The following SNTG1 variants were observed in gnomAD, a reference collection of about 807,000 sequenced individuals.
The protein encoded by SNTG1 is syntrophin gamma 1.
In SNTG1, 39 loss-of-function variants were observed where a neutral mutation model predicts 74.7. The ratio of observed to expected loss-of-function variants is 0.52; its 90% CI spans 0.40 to 0.68. The LOEUF (loss-of-function observed/expected upper bound fraction) is 0.68. Among genes scored for constraint, SNTG1 ranks in the 30% least tolerant of loss-of-function variants. SNTG1 has a pLI of 0.00. For missense variants in SNTG1, 685 were observed against 609.5 expected (o/e 1.12, Z -1.30); for synonymous variants, 254 against 217.1 (o/e 1.17, Z -1.49).
intron 15 of SNTG1, among the ~76,000 whole-genome samples, chr8:50,690,937 T>C (rs2095375592): frequency 6.6e-6 from 1 of 152,208 alleles, no homozygotes; most frequent in Non-Finnish European, 1.5e-5. Context: ...TGCTCCTGTA[T>C]TGGGTGCATA....
intron 2 of SNTG1, among the ~76,000 whole-genome samples, chr8:50,324,792 G>C (rs982611815): frequency 6.6e-6 from 1 of 151,584 alleles, no homozygotes; most frequent in Non-Finnish European, 1.5e-5. Context: ...CATGAACTAT[G>C]CCTCTGGTTA....
At chr8:50,709,442 G>A (rs1294260929) in intron 17 of SNTG1, among the ~76,000 whole-genome samples, 1 of 152,060 alleles carries the variant, frequency 6.6e-6, no homozygotes, top group Non-Finnish European at 1.5e-5. Context: ...TTAAAGTTTA[G>A]TTTCTAGCCA....
intron 2 of SNTG1, among the ~76,000 whole-genome samples, chr8:50,187,536 G>C (rs547370066): frequency 1.3e-5 from 2 of 152,204 alleles, no homozygotes; most frequent in South Asian, 4.1e-4. Context: ...TTGTTAAATA[G>C]ATTATGTGCT....
At position 50,167,289 on chromosome 8, in the gene SNTG1, GA is replaced by G. The variant is rs1180714505; in HGVS notation, c.-102-5262del. ...AAGTATAATAATAATAATAAAAAAA[GA>G]AAAAAAAAAGATTAAAAATAAAAAA... On this transcript the variant is annotated intron_variant, in intron 1 of 18. Coordinates refer to ENST00000642720, the MANE Select transcript of SNTG1 (RefSeq NM_018967.5). Among the ~76,000 whole-genome samples the G allele has an allele frequency of 2.2e-3, 194 of 89,042 alleles. 1 individual carries two copies. The highest frequency in any genetic ancestry group is 2.9e-3 in the African/African-American group (73 of 24,928). The allele number at this position is 89,042 out of a possible 152,430, so 58.4% of individuals were successfully genotyped here.
chr8:50,434,611 G>A (rs190641739), intron 4 of SNTG1, among the ~76,000 whole-genome samples: 5 of 152,228 alleles, frequency 3.3e-5, no homozygotes, highest in Admixed American at 2.6e-4. Flanking sequence ...TATCATTGTG[G>A]TTTTGATTTT....
chr8:49,929,222 T>C (rs1807326773), intron 1 of SNTG1, among the ~76,000 whole-genome samples: 1 of 152,210 alleles, frequency 6.6e-6, no homozygotes. Flanking sequence ...TATAAATTCC[T>C]AGAAAAATAT....
At chr8:50,586,349 G>T (rs1247233378) in intron 12 of SNTG1, among the ~76,000 whole-genome samples, 1 of 152,002 alleles carries the variant, frequency 6.6e-6, no homozygotes, top group Admixed American at 6.5e-5. Flanking sequence ...TTAATGATCT[G>T]TCTGAGGATA....
intron 2 of SNTG1, among the ~76,000 whole-genome samples, chr8:50,320,468 GTTGAA>G (rs748001125): frequency 1.3e-5 from 2 of 150,410 alleles, no homozygotes; most frequent in South Asian, 2.1e-4. Context: ...CCAACTTTTT[GTTGAA>G]TTGATCTTTT....
At chr8:50,587,342 T>G (rs978575032) in intron 12 of SNTG1, among the ~76,000 whole-genome samples, 1 of 151,066 alleles carries the variant, frequency 6.6e-6, no homozygotes, top group African/African-American at 2.4e-5. Flanking sequence ...CTTATCAATC[T>G]TATCAATCGG....
At chr8:50,474,220 C>A (rs1403356537) in intron 8 of SNTG1, among the ~76,000 whole-genome samples, 1 of 151,996 alleles carries the variant, frequency 6.6e-6, no homozygotes, top group African/African-American at 2.4e-5. Flanking sequence ...CCAAAATTGA[C>A]AAATGGGATC....
chr8:50,685,870 G>T (rs1048429044), intron 15 of SNTG1, among the ~76,000 whole-genome samples: 6 of 152,200 alleles, frequency 3.9e-5, no homozygotes, highest in Admixed American at 2.0e-4. Flanking sequence ...TTAGCTAATT[G>T]TGTTAAAGAT....
At chr8:49,942,030 G>C (rs929887074) in intron 1 of SNTG1, among the ~76,000 whole-genome samples, 1 of 152,100 alleles carries the variant, frequency 6.6e-6, no homozygotes, top group African/African-American at 2.4e-5. Flanking sequence ...AATAATTAGA[G>C]ATAAATATAG....
chr8:50,309,863 G>A (rs776536274), intron 2 of SNTG1, among the ~76,000 whole-genome samples: 1 of 152,062 alleles, frequency 6.6e-6, no homozygotes, highest in Non-Finnish European at 1.5e-5. Flanking sequence ...AAATTAATTC[G>A]CTGTCCGCAA....
At chr8:50,293,556 T>G (rs2089227372) in intron 2 of SNTG1, among the ~76,000 whole-genome samples, 1 of 151,916 alleles carries the variant, frequency 6.6e-6, no homozygotes, top group South Asian at 2.1e-4. Context: ...ATTACAGGCA[T>G]GCACCAAAAC....
chr8:50,035,447 A>G (rs945480621), intron 1 of SNTG1, among the ~76,000 whole-genome samples: 3 of 152,170 alleles, frequency 2.0e-5, no homozygotes, highest in Non-Finnish European at 4.4e-5. Context: ...TTGAGCCCAC[A>G]TATCCTTATT....
At chr8:50,221,713 G>C (rs776170683) in intron 2 of SNTG1, among the ~76,000 whole-genome samples, 2 of 152,158 alleles carry the variant, frequency 1.3e-5, no homozygotes, top group Non-Finnish European at 2.9e-5. Flanking sequence ...TTTATTTATG[G>C]AGTACATAGT....
intron 9 of SNTG1, among the ~76,000 whole-genome samples, chr8:50,512,097 T>G (rs936125080): frequency 9.9e-5 from 15 of 152,140 alleles, no homozygotes; most frequent in African/African-American, 3.4e-4. Context: ...AGGAGCTCTT[T>G]TAGTGCAGGC....
chr8:50,749,897 A>T (rs1397694708), intron 17 of SNTG1, among the ~76,000 whole-genome samples: 1 of 152,052 alleles, frequency 6.6e-6, no homozygotes, highest in African/African-American at 2.4e-5. Flanking sequence ...TGCTAACACA[A>T]TATCCATTCT....
intron 2 of SNTG1, among the ~76,000 whole-genome samples, chr8:50,320,537 G>GCT (rs1554639168): frequency 6.7e-6 from 1 of 149,336 alleles, no homozygotes; most frequent in Non-Finnish European, 1.5e-5. Flanking sequence ...CTTTATTATT[G>GCT]TTTTTTTTTA....
Sources: gnomAD v4.1 joint callset for allele counts (sites outside exome capture counted in the v4.1 genomes callset) on GRCh38, gnomAD v4.1.1 for gene constraint, MANE v1.5 for transcripts, NCBI Gene and HGNC (gene_info 2026-07-23, HGNC 2026-07-21) for gene names.